ATP11C: variants seen among roughly 807,000 people sequenced by gnomAD.
The protein encoded by ATP11C is phospholipid-transporting ATPase IG.
A neutral mutation model predicts 97.4 loss-of-function variants in ATP11C; 36 were observed. That is an observed-to-expected ratio of 0.37 (90% CI 0.28 to 0.49). The LOEUF (loss-of-function observed/expected upper bound fraction) is 0.49, where lower values mean the gene tolerates loss of function less well. Among genes scored for constraint, ATP11C ranks in the 20% least tolerant of loss-of-function variants. The pLI is 0.98. For missense variants in ATP11C, 730 were observed against 824.6 expected (o/e 0.89, Z 1.40); for synonymous variants, 275 against 290.9 (o/e 0.95, Z 0.56).
chrX:139,896,696 A>G (rs1396344474), intron 1 of ATP11C, among the ~76,000 whole-genome samples: 1 of 102,698 alleles, frequency 9.7e-6, no homozygotes, highest in African/African-American at 3.6e-5. Flanking sequence ...GCTCACTGCA[A>G]CCCCAGCCTC....
At chrX:139,741,155 A>G in intron 26 of ATP11C, 61 bp from the exon 27 acceptor site, 1 of 675,851 alleles carries the variant, frequency 1.5e-6, no homozygotes, top group Admixed American at 2.4e-5. Flanking sequence ...GCAATACGCT[A>G]TAGTATCTGA....
At chrX:139,852,935 G>C (rs1456253753) in intron 1 of ATP11C, among the ~76,000 whole-genome samples, 1 of 111,250 alleles carries the variant, frequency 9.0e-6, no homozygotes, top group East Asian at 2.9e-4. Context: ...AGCCTTCTAG[G>C]ACAGGCAAGA....
intron 18 of ATP11C, among the ~76,000 whole-genome samples, chrX:139,775,727 T>C (rs1232650113): frequency 8.9e-6 from 1 of 112,598 alleles, no homozygotes; most frequent in Non-Finnish European, 1.9e-5. Flanking sequence ...GGCAATGCCA[T>C]CAGTGGCGAT....
intron 1 of ATP11C, among the ~76,000 whole-genome samples, chrX:139,828,226 G>T (rs2083571282): frequency 8.9e-6 from 1 of 111,753 alleles, no homozygotes; most frequent in Non-Finnish European, 1.9e-5. Context: ...TAGAACAACT[G>T]ATTGTCCAAG....
At chrX:139,780,510 T>TA (rs61157633) in intron 18 of ATP11C, among the ~76,000 whole-genome samples, 6,034 of 97,776 alleles carry the variant, frequency 0.062, 423 homozygotes, top group African/African-American at 0.21. Flanking sequence ...ACCTTGATGA[T>TA]AAAAAAAAAA....
At chrX:139,900,841 C>T (rs1293913673) in intron 1 of ATP11C, among the ~76,000 whole-genome samples, 1 of 112,014 alleles carries the variant, frequency 8.9e-6, no homozygotes, top group African/African-American at 3.2e-5. Context: ...ACCCCAAGTT[C>T]TTAATATTGA....
rs1226471982 is a variant in ATP11C, at chrX:139,727,423, T to C, written c.*1543A>G. 2 of 111,432 alleles carry C rather than the reference T, an allele frequency of 1.8e-5. No individual in the cohort carries two copies. Among genetic ancestry groups the C allele is most frequent in the Non-Finnish European group, 3.8e-5 (2 of 52,963 alleles). The allele number at this position is 111,432 out of a possible 1,213,427, so 9.2% of individuals were successfully genotyped here. A position where few individuals can be genotyped will look rare whatever the true frequency, so the allele number is the denominator to read the frequency against. On this transcript the variant is annotated 3_prime_UTR_variant, in exon 30 of 30. Transcript: ENST00000682941. ...AAAATGCTCAAAAATAATACTGATA[T>C]ATGAGAGCAAATGAAATAATGAAAA...
intron 1 of ATP11C, among the ~76,000 whole-genome samples, chrX:139,888,564 A>G (rs1192804442): frequency 1.8e-5 from 2 of 112,002 alleles, no homozygotes; most frequent in Non-Finnish European, 3.8e-5. Flanking sequence ...CAGAATGGCT[A>G]AAGTTTTAAA....
chrX:139,736,672 C>T (rs759570209), intron 28 of ATP11C, among the ~76,000 whole-genome samples: 41 of 111,522 alleles, frequency 3.7e-4, no homozygotes, highest in Middle Eastern at 4.6e-3. Context: ...AAACACCAGA[C>T]TAGAGTAAAG....
intron 18 of ATP11C, among the ~76,000 whole-genome samples, chrX:139,780,501 C>A (rs947027784): frequency 9.4e-5 from 10 of 106,674 alleles, no homozygotes; most frequent in African/African-American, 3.7e-4. Flanking sequence ...ATTTGACATA[C>A]CTTGATGATA....
At position 139,743,624 on chromosome X, in the gene ATP11C, C is replaced by T; in HGVS notation, c.2965G>A (p.Val989Ile). The T allele has an allele frequency of 9.0e-7, 1 of 1,112,649 alleles. No homozygotes were observed. 91.7% of individuals were successfully genotyped at this position (1,112,649 alleles called of 1,213,427 possible). ...QTASLEENGK[V>I]YGNWTFGTIV... ...GTTCCAAAAGTCCAGTTTCCGTATA[C>T]CTGAAAAACATTTAATAATTACATG... Residue 989 changes from valine (V) to isoleucine (I), a missense_variant and splice_region_variant, in exon 26 of 30, where the codon GTA (valine) becomes ATA (isoleucine). Transcript: ENST00000682941.
intron 20 of ATP11C, 26 bp downstream of exon 20, chrX:139,768,234 G>A (rs1694330879): frequency 9.8e-7 from 1 of 1,021,624 alleles, no homozygotes; most frequent in African/African-American, 1.9e-5. Context: ...ATCCAGAATG[G>A]AACGTTAACT....
chrX:139,804,645 C>T, intron 5 of ATP11C, 46 bp from the exon 6 acceptor site: 1 of 1,054,151 alleles, frequency 9.5e-7, no homozygotes. Context: ...CCAAACAAAG[C>T]ATTCATTACA....
At chrX:139,835,327 C>A (rs1048129895) in intron 1 of ATP11C, among the ~76,000 whole-genome samples, 1 of 111,471 alleles carries the variant, frequency 9.0e-6, no homozygotes, top group African/African-American at 3.3e-5. Context: ...TTGGGGAAGT[C>A]CTGGCATTGG....
upstream of ATP11C, chrX:139,933,082 C>T (rs1009565119): frequency 4.5e-5 from 5 of 111,638 alleles, no homozygotes; most frequent in African/African-American, 1.6e-4. Flanking sequence ...GGCGGGATTT[C>T]CCTGACCCCC....
At chrX:139,751,333 A>G (rs1325676410) in intron 23 of ATP11C, among the ~76,000 whole-genome samples, 1 of 112,312 alleles carries the variant, frequency 8.9e-6, no homozygotes, top group Non-Finnish European at 1.9e-5. Flanking sequence ...CTGGCAGGAG[A>G]GACAAAGCAA....
At position 139,897,961 on chromosome X, in the gene ATP11C, G is replaced by A. The variant is rs4560974; in HGVS notation, c.27+34055C>T. On this transcript the variant is annotated intron_variant, in intron 1 of 29. Coordinates refer to ENST00000682941, the MANE Select transcript of ATP11C (RefSeq NM_001353812.2). ...AAAAAAAAAAAGCAGCAGCAGCCAG[G>A]GATATGAATTAGGAGTGGGGTGGGT... is the stretch of plus-strand genomic sequence containing the variant. 3.1e-3 allele frequency among the ~76,000 whole-genome samples: 341 copies of A among 110,062 alleles called. 3 individuals carry two copies. The highest frequency in any genetic ancestry group is 0.011 in the African/African-American group (320 of 30,291).
intron 1 of ATP11C, among the ~76,000 whole-genome samples, chrX:139,855,297 T>C (rs976914656): frequency 3.2e-4 from 36 of 112,177 alleles, no homozygotes; most frequent in African/African-American, 1.2e-3. Context: ...AGAAATTATA[T>C]ACTTGGTTTA....
chrX:139,863,764 G>T (rs896376138), intron 1 of ATP11C, among the ~76,000 whole-genome samples: 2 of 109,746 alleles, frequency 1.8e-5, no homozygotes, highest in Non-Finnish European at 3.8e-5. Context: ...TATTTTTTAA[G>T]AATCAAGTAT....
Sources: allele counts gnomAD v4.1 joint callset (sites outside exome capture counted in the v4.1 genomes callset), GRCh38; gene constraint gnomAD v4.1.1; transcripts MANE v1.5; gene names NCBI Gene and HGNC (gene_info 2026-07-23, HGNC 2026-07-21).